The following GALNT18 variants were observed in gnomAD, a reference collection of about 807,000 sequenced individuals.
GALNT18 encodes GalNAc-transferase 18.
A neutral mutation model predicts 69.5 loss-of-function variants in GALNT18; 44 were observed. The observed-to-expected ratio is 0.63, with a 90% CI of 0.50 to 0.81. The LOEUF (loss-of-function observed/expected upper bound fraction) is 0.81. Among genes scored for constraint, GALNT18 ranks in the 40% least tolerant of loss-of-function variants. The probability of loss-of-function intolerance (pLI) is 0.00; values close to 1 mark genes in which losing one functional copy is unlikely to be tolerated. For missense variants in GALNT18, 715 were observed against 810.0 expected (o/e 0.88, Z 1.42); for synonymous variants, 364 against 318.2 (o/e 1.14, Z -1.53).
At chr11:11,319,243 A>G (rs1386228946) in intron 9 of GALNT18, among the ~76,000 whole-genome samples, 2 of 152,206 alleles carry the variant, frequency 1.3e-5, no homozygotes, top group Non-Finnish European at 2.9e-5. Flanking sequence ...ATTCTTGGCC[A>G]TTGCTGGCTG....
At chr11:11,353,902 G>T (rs528473241) in intron 6 of GALNT18, among the ~76,000 whole-genome samples, 1 of 152,300 alleles carries the variant, frequency 6.6e-6, no homozygotes, top group East Asian at 1.9e-4. Flanking sequence ...GCCAAGCCTG[G>T]GGAGCAGACA....
At chr11:11,599,995 T>C (rs1859596575) in intron 1 of GALNT18, among the ~76,000 whole-genome samples, 1 of 152,036 alleles carries the variant, frequency 6.6e-6, no homozygotes, top group Non-Finnish European at 1.5e-5. Flanking sequence ...CTCATCCAAG[T>C]CCATTAACTT....
chr11:11,381,568 C>G (rs2133695845), intron 3 of GALNT18, among the ~76,000 whole-genome samples: 1 of 152,326 alleles, frequency 6.6e-6, no homozygotes, highest in East Asian at 1.9e-4. Flanking sequence ...GCCTCACACA[C>G]TGAGTCTGGG....
intron 1 of GALNT18, among the ~76,000 whole-genome samples, chr11:11,594,993 G>GTA (rs1859465089): frequency 6.7e-6 from 1 of 150,072 alleles, no homozygotes; most frequent in South Asian, 2.1e-4. Flanking sequence ...GTGTGTGTGT[G>GTA]TGTGTGTATA....
Position 11,618,456 on chromosome 11 carries a change from C to T in GALNT18, c.235+2903G>A, listed in dbSNP as rs959120587. Among the ~76,000 whole-genome samples the T allele has an allele frequency of 6.6e-6, 1 of 152,168 alleles. No individual in the cohort carries two copies. Among genetic ancestry groups the T allele is most frequent in the Admixed American group, 6.5e-5 (1 of 15,282 alleles). ...CCTCTTGGCATGAAACAAAGCAAAACCTGAGTTTATCTATGGAGTTTCCAA... is the reference window on the plus strand; with the variant it reads ...CCTCTTGGCATGAAACAAAGCAAAATCTGAGTTTATCTATGGAGTTTCCAA... On this transcript the variant is annotated intron_variant, in intron 1 of 10. Coordinates refer to ENST00000227756, the MANE Select transcript of GALNT18 (RefSeq NM_198516.3). The surrounding 1 kb of genome is among the most constrained non-coding windows in gnomAD (Gnocchi z 6.1).
At chr11:11,427,733 C>T (rs1410175624) in intron 3 of GALNT18, among the ~76,000 whole-genome samples, 3 of 152,216 alleles carry the variant, frequency 2.0e-5, no homozygotes, top group East Asian at 1.9e-4. Context: ...TGTCTTTCAA[C>T]AGTGGCTACT....
intron 1 of GALNT18, among the ~76,000 whole-genome samples, chr11:11,456,474 T>C (rs1054536484): frequency 3.3e-5 from 5 of 152,170 alleles, no homozygotes; most frequent in African/African-American, 1.2e-4. Context: ...AGCTGCCGCC[T>C]AAAATACCTC....
chr11:11,395,967 C>T (rs1203670976), intron 3 of GALNT18, among the ~76,000 whole-genome samples: 1 of 151,980 alleles, frequency 6.6e-6, no homozygotes, highest in African/African-American at 2.4e-5. Context: ...CTGGCTACTG[C>T]TAAGTGGTGG....
intron 1 of GALNT18, among the ~76,000 whole-genome samples, chr11:11,472,939 C>G (rs1259534500): frequency 1.3e-5 from 2 of 151,998 alleles, no homozygotes; most frequent in African/African-American, 2.4e-5. Context: ...TTGCAGTGAG[C>G]CATGATCAAG....
chr11:11,579,781 C>T (rs532999984), intron 1 of GALNT18, among the ~76,000 whole-genome samples: 17 of 152,192 alleles, frequency 1.1e-4, no homozygotes, highest in Admixed American at 6.5e-4. Flanking sequence ...TGTGCTAAGC[C>T]CTGGAATGCT....
intron 10 of GALNT18, among the ~76,000 whole-genome samples, chr11:11,280,799 G>T (rs1416179910): frequency 1.3e-5 from 2 of 152,146 alleles, no homozygotes; most frequent in South Asian, 2.1e-4. Context: ...GCCACATGGT[G>T]CTCCTGATGG....
chr11:11,507,349 GA>G (rs1857086240), intron 1 of GALNT18, among the ~76,000 whole-genome samples: 1 of 152,180 alleles, frequency 6.6e-6, no homozygotes, highest in South Asian at 2.1e-4. Flanking sequence ...CATGGAAGCT[GA>G]GTCTCAGAGG....
chr11:11,603,385 G>A lies in GALNT18; in HGVS notation c.235+17974C>T, dbSNP rs1036697362. 6.6e-6 allele frequency among the ~76,000 whole-genome samples: 1 copy of A among 152,148 alleles called. No homozygotes were observed. Among genetic ancestry groups the A allele is most frequent in the African/African-American group, 2.4e-5 (1 of 41,448 alleles). On this transcript the variant is annotated intron_variant, in intron 1 of 10. Transcript: ENST00000227756. This position sits in a 1 kb window ranked among gnomAD's most constrained non-coding sequence, Gnocchi z 4.5. ...CCTAACTGTATGTATGTGGCCAAAG[G>A]GAGTGTGGCCTGCCAAAGGTGGGGG...
At chr11:11,352,027 C>T (rs1850417292) in intron 6 of GALNT18, 1 of 1,613,612 alleles carries the variant, frequency 6.2e-7, no homozygotes. Flanking sequence ...GCCAGAGGTC[C>T]AAGGGGTGAA....
At chr11:11,349,122 T>C (rs1413244060) in intron 6 of GALNT18, among the ~76,000 whole-genome samples, 1 of 152,250 alleles carries the variant, frequency 6.6e-6, no homozygotes, top group African/African-American at 2.4e-5. Context: ...GTACACATCC[T>C]GCAACTTGCT....
At chr11:11,300,151 G>A (rs1351340527) in intron 9 of GALNT18, among the ~76,000 whole-genome samples, 1 of 152,214 alleles carries the variant, frequency 6.6e-6, no homozygotes, top group Admixed American at 6.5e-5. Context: ...CAAATGATGG[G>A]CATGTAAATT....
intron 1 of GALNT18, among the ~76,000 whole-genome samples, chr11:11,585,340 C>G (rs1859187001): frequency 6.6e-6 from 1 of 150,992 alleles, no homozygotes; most frequent in South Asian, 2.1e-4. Context: ...CTACATATAT[C>G]TGTGAAGAAA....
At chr11:11,490,706 G>A (rs1564975985) in intron 1 of GALNT18, among the ~76,000 whole-genome samples, 2 of 152,166 alleles carry the variant, frequency 1.3e-5, no homozygotes, top group African/African-American at 4.8e-5. Context: ...GTGCGTCAGA[G>A]ACAGCCCAGA....
At chr11:11,460,596 T>C (rs1366037489) in intron 1 of GALNT18, among the ~76,000 whole-genome samples, 1 of 152,204 alleles carries the variant, frequency 6.6e-6, no homozygotes, top group Non-Finnish European at 1.5e-5. Flanking sequence ...TCCTCCCTCG[T>C]ACACTCACTA....
Sources: allele counts gnomAD v4.1 joint callset (sites outside exome capture counted in the v4.1 genomes callset), GRCh38; gene constraint gnomAD v4.1.1; non-coding constraint Gnocchi (gnomAD v3.1); transcripts MANE v1.5; gene names NCBI Gene and HGNC (gene_info 2026-07-23, HGNC 2026-07-21).